PAPLN: variants seen among roughly 807,000 people sequenced by gnomAD.
The protein encoded by PAPLN is papilin, proteoglycan like sulfated glycoprotein, also known as papilin.
A neutral mutation model predicts 159.0 loss-of-function variants in PAPLN; 146 were observed. That is an observed-to-expected ratio of 0.92 (90% confidence interval 0.80 to 1.05). The LOEUF is 1.05. PAPLN is among the 50% of genes least tolerant of loss of function. The pLI is 0.00. For missense variants in PAPLN, 1,720 were observed against 1,743.9 expected (o/e 0.99, Z 0.24); for synonymous variants, 734 against 702.9 (o/e 1.04, Z -0.70).
Position 73,266,825 on chromosome 14 carries a change from G to A in PAPLN, c.3494G>A (p.Trp1165Ter). The change falls in exon 25 of 27, where the codon TGG becomes TAG. Residue 1165 changes from tryptophan to a stop codon, truncating the protein, a stop_gained. Transcript: ENST00000644200. LOFTEE classifies it high-confidence loss of function. Reference sequence around the variant, plus strand: ...GCAGGAGAAAGTGTGAACATCAGGTGGTCCAGGTAAAGGCTCTATTCCAAG... The same window carrying A: ...GCAGGAGAAAGTGTGAACATCAGGTAGTCCAGGTAAAGGCTCTATTCCAAG... Reference protein sequence around the residue: ...VVAGESVNIRWSRNGLPVQAD... With the variant: ...VVAGESVNIR 6.2e-7 allele frequency: 1 copy of A among 1,610,712 alleles called. No individual in the cohort carries two copies. Among genetic ancestry groups the A allele is most frequent in the South Asian group, 1.1e-5 (1 of 90,452 alleles).
intron 14 of PAPLN, among the ~76,000 whole-genome samples, chr14:73,256,164 C>A (rs1885884414): frequency 6.6e-6 from 1 of 152,130 alleles, no homozygotes; most frequent in African/African-American, 2.4e-5. Context: ...AGTCTGTTCC[C>A]CAGGGCCTTG....
rs748995968 is a variant in PAPLN, at chr14:73,244,653, G to A, written c.64G>A (p.Val22Met). The change falls in exon 3 of 27, where the codon GTG (valine) becomes ATG (methionine). Residue 22 changes from valine to methionine, a missense_variant. By Grantham distance (21) the Val-to-Met change is conservative (BLOSUM62 1). Coordinates refer to ENST00000644200, the MANE Select transcript of PAPLN (RefSeq NM_001365906.3). ...APAPGSSAPK[V>M]RRQSDTWGPW... The stretch of plus-strand genomic sequence containing the variant: ...GTCCTGTCTTCTGCAGGCTCCCAAG[G>A]TGAGGCGGCAGAGTGACACCTGGGG... 2.5e-6 allele frequency: 4 copies of A among 1,581,416 alleles called. No homozygotes were observed. The African/African-American group carries it at 4.0e-5, about 16-fold the overall frequency.
At chr14:73,260,979 G>T in intron 17 of PAPLN, 150 bp downstream of exon 17, 2 of 1,403,356 alleles carry the variant, frequency 1.4e-6, no homozygotes, top group Non-Finnish European at 1.9e-6. Context: ...AGGGCACCGG[G>T]CTTCAAAGAT....
intron 3 of PAPLN, 69 bp downstream of exon 3, chr14:73,244,828 C>A: frequency 7.5e-7 from 1 of 1,336,516 alleles, no homozygotes; most frequent in Non-Finnish European, 1.0e-6. Context: ...GGGTGGTGGG[C>A]TAGGTGGTCG....
At chr14:73,249,560 G>A (rs117576117) in intron 5 of PAPLN, among the ~76,000 whole-genome samples, 7,962 of 151,678 alleles carry the variant, frequency 0.052, 286 homozygotes, top group Non-Finnish European at 0.081. Context: ...TGTAGTCCCG[G>A]CTACTAGGGG....
rs371804176 is a variant in PAPLN, at chr14:73,250,093, C to T, written c.444C>T (p.Val148=). ...GTPCEPGKRD[V]CVDGSCRVVG... is the part of the protein sequence containing the mutation. ...CCTGCGAGCCTGGCAAGAGGGATGT[C>T]TGTGTGGATGGCAGCTGCCGGGTGA... The change falls in exon 6 of 27, where the codon GTC becomes GTT. Residue 148 remains valine (V), a synonymous_variant. Coordinates refer to ENST00000644200, the MANE Select transcript of PAPLN (RefSeq NM_001365906.3). The T allele has an allele frequency of 5.0e-6, 8 of 1,611,140 alleles. No individual in the cohort carries two copies. The highest frequency in any genetic ancestry group is 3.4e-5 in the Admixed American group (2 of 59,570).
intron 16 of PAPLN, among the ~76,000 whole-genome samples, chr14:73,260,162 G>T (rs941203415): frequency 1.3e-5 from 2 of 152,158 alleles, no homozygotes; most frequent in African/African-American, 4.8e-5. Context: ...CTCTGATTTT[G>T]GGTTCCTCTT....
chr14:73,260,279 C>G (rs1297875603), intron 16 of PAPLN, among the ~76,000 whole-genome samples: 1 of 152,184 alleles, frequency 6.6e-6, no homozygotes, highest in Admixed American at 6.5e-5. Context: ...CTCCTTTCAC[C>G]TTGCCTCGTG....
intron 18 of PAPLN, 156 bp from the exon 19 acceptor site, chr14:73,262,194 C>T: frequency 2.6e-6 from 2 of 770,738 alleles, no homozygotes; most frequent in Non-Finnish European, 4.2e-6. Flanking sequence ...TGGAAGCATC[C>T]TGGATCCCAG....
chr14:73,244,309 G>C (rs961738555), intron 2 of PAPLN: 1 of 219,808 alleles, frequency 4.5e-6, no homozygotes, highest in Non-Finnish European at 9.2e-6. Context: ...CCTACATCAC[G>C]GTTAACCTAC....
intron 1 of PAPLN, among the ~76,000 whole-genome samples, chr14:73,239,254 A>G (rs1243433318): frequency 6.6e-6 from 1 of 152,252 alleles, no homozygotes; most frequent in East Asian, 1.9e-4. Context: ...GAGGCTGCTT[A>G]TGGAGCTTCC....
chr14:73,262,864 G>C (rs772430584), intron 19 of PAPLN, 37 bp downstream of exon 19: 3 of 1,410,834 alleles, frequency 2.1e-6, no homozygotes, highest in Admixed American at 5.7e-5. Flanking sequence ...GGGTTAGGAC[G>C]CCCAGACAAG....
chr14:73,264,181 G>A (rs369336119), intron 20 of PAPLN, 30 bp from the exon 21 acceptor site: 13 of 1,612,230 alleles, frequency 8.1e-6, no homozygotes, highest in Non-Finnish European at 1.1e-5. Flanking sequence ...GGAGCCCAGA[G>A]CTCATGTCCT....
intron 3 of PAPLN, 127 bp downstream of exon 3, chr14:73,244,886 G>A: frequency 1.5e-6 from 1 of 680,348 alleles, no homozygotes; most frequent in Non-Finnish European, 2.4e-6. Context: ...CCAAGGAGCA[G>A]ATTCATTCTG....
In PAPLN at chr14:73,264,676, T is replaced by C; in HGVS notation, c.3075T>C (p.Ala1025=). The C allele has an allele frequency of 6.2e-7, 1 of 1,611,204 alleles. No individual in the cohort carries two copies. The highest frequency in any genetic ancestry group is 8.5e-7 in the Non-Finnish European group (1 of 1,179,340). Residue 1025 remains alanine (A), a synonymous_variant, in exon 22 of 27, where the codon GCT becomes GCC. Coordinates refer to ENST00000644200, the MANE Select transcript of PAPLN (RefSeq NM_001365906.3). ...DPAQDFGQAG[A]AGPLGAIPSS... ...CTCAGGACTTTGGCCAAGCGGGGGC[T>C]GCTGGGCCCCTGGGGGCCATCCCCT...
In PAPLN at chr14:73,253,975, C is replaced by T. The variant is rs772252373; in HGVS notation, c.1302+14C>T. 1 of 1,602,972 alleles carries T rather than the reference C, an allele frequency of 6.2e-7. No individual in the cohort carries two copies. The highest frequency in any genetic ancestry group is 8.5e-7 in the Non-Finnish European group (1 of 1,175,818). On this transcript the variant is annotated intron_variant, in intron 12 of 26. Coordinates refer to ENST00000644200, the MANE Select transcript of PAPLN (RefSeq NM_001365906.3). ...CCCTGGGGAGAGGTCAGGCCCCTGGCCCGCATGGGGCTGGTGCTGGACCTG... is the reference window on the plus strand; with the variant it reads ...CCCTGGGGAGAGGTCAGGCCCCTGGTCCGCATGGGGCTGGTGCTGGACCTG...
chr14:73,236,890 GTA>G (rs1300685324), upstream of PAPLN, among the ~76,000 whole-genome samples: 6 of 135,392 alleles, frequency 4.4e-5, no homozygotes, highest in East Asian at 2.2e-4. Flanking sequence ...AGGGAGGAAA[GTA>G]GAAAGAAAGA....
chr14:73,246,874 C>A (rs1366926271), intron 5 of PAPLN: 1 of 152,110 alleles, frequency 6.6e-6, no homozygotes, highest in South Asian at 2.1e-4. Flanking sequence ...GCTGCCAGAG[C>A]CAGCATTTGT....
chr14:73,245,934 G>C lies in PAPLN; in HGVS notation c.232-139G>C, dbSNP rs1884212913. On this transcript the variant is annotated intron_variant, in intron 4 of 26. Coordinates refer to ENST00000644200, the MANE Select transcript of PAPLN (RefSeq NM_001365906.3). This position sits in a 1 kb window ranked among gnomAD's most constrained non-coding sequence, Gnocchi z 4.2. ...GGCACGCACAGGAGTTCGGGGGTCCGGGGGGCGGACTCCACCTCCGGCGGC... is the reference window on the plus strand; with the variant it reads ...GGCACGCACAGGAGTTCGGGGGTCCCGGGGGCGGACTCCACCTCCGGCGGC... 7 of 958,200 alleles carry C rather than the reference G, an allele frequency of 7.3e-6. No individual in the cohort carries two copies. The highest frequency in any genetic ancestry group is 1.0e-5 in the Non-Finnish European group (7 of 668,648). The allele number at this position is 958,200 out of a possible 1,614,324, so 59.4% of individuals were successfully genotyped here.
Sources: allele counts gnomAD v4.1 joint callset (sites outside exome capture counted in the v4.1 genomes callset), GRCh38; gene constraint gnomAD v4.1.1; non-coding constraint Gnocchi (gnomAD v3.1); transcripts MANE v1.5; gene names NCBI Gene and HGNC (gene_info 2026-07-23, HGNC 2026-07-21).